ZNF429: variants seen among roughly 807,000 people sequenced by gnomAD.
ZNF429 encodes zinc finger protein 429.
Under a neutral mutation model 56.8 loss-of-function variants are expected in ZNF429, and 53 were observed. The observed-to-expected ratio is 0.93, with a 90% CI of 0.75 to 1.17. The LOEUF (loss-of-function observed/expected upper bound fraction) is 1.17. Among genes scored for constraint, ZNF429 ranks in the 50% most tolerant of loss-of-function variants. ZNF429 has a pLI of 0.00. For missense variants in ZNF429, 849 were observed against 788.4 expected (o/e 1.08, Z -0.92); for synonymous variants, 278 against 264.7 (o/e 1.05, Z -0.49).
At chr19:21,511,109 CGG>C (rs1385217539) in intron 1 of ZNF429, among the ~76,000 whole-genome samples, 5 of 152,364 alleles carry the variant, frequency 3.3e-5, no homozygotes, top group African/African-American at 1.2e-4. Flanking sequence ...ACCTCCCAGA[CGG>C]GGTGGTGGCC....
chr19:21,529,483 A>G (rs2033292503), intron 1 of ZNF429, 175 bp from the exon 2 acceptor site: 1 of 946,026 alleles, frequency 1.1e-6, no homozygotes. Flanking sequence ...ATTAGAGAAC[A>G]TTTCTGTTTA....
At chr19:21,526,031 ATTAGTAC>A (rs2033158012) in intron 1 of ZNF429, among the ~76,000 whole-genome samples, 1 of 144,028 alleles carries the variant, frequency 6.9e-6, no homozygotes, top group African/African-American at 2.6e-5. Flanking sequence ...CAAACATTGC[ATTAGTAC>A]CTGTGCATAT....
At position 21,526,477 on chromosome 19, in the gene ZNF429, T is replaced by C. The variant is rs142645413; in HGVS notation, c.4-3181T>C. 1.0e-3 allele frequency among the ~76,000 whole-genome samples: 155 copies of C among 152,342 alleles called. 3 individuals are homozygous for C. The highest frequency in any genetic ancestry group is 5.4e-3 in the Admixed American group (83 of 15,282). On this transcript the variant is annotated intron_variant, in intron 1 of 3. Coordinates refer to ENST00000358491, the MANE Select transcript of ZNF429 (RefSeq NM_001001415.4). The stretch of plus-strand genomic sequence containing the variant: ...TCTTGTTAGGTCGGGGCAAAAGTTA[T>C]TGTGGTTTTACCTTTTAATGTAATG...
chr19:21,515,823 G>A (rs918622157), intron 1 of ZNF429, among the ~76,000 whole-genome samples: 1 of 152,016 alleles, frequency 6.6e-6, no homozygotes, highest in African/African-American at 2.4e-5. Context: ...AGTTATTCTA[G>A]CACTATTTAT....
rs1415989228 is a variant in ZNF429 at position 21,537,946 on chromosome 19, C to T, written c.1893C>T (p.Thr631=). ...YKCEECAKAF[T]RSSRLTQHKK... ...GTGAAGAATGTGCCAAAGCTTTTACCCGGTCTTCAAGACTTACTCAACATA... is the reference window on the plus strand; with the variant it reads ...GTGAAGAATGTGCCAAAGCTTTTACTCGGTCTTCAAGACTTACTCAACATA... The change falls in exon 4 of 4, where the codon ACC becomes ACT. Residue 631 remains threonine, a synonymous_variant. Coordinates refer to ENST00000358491, the MANE Select transcript of ZNF429 (RefSeq NM_001001415.4). The T allele has an allele frequency of 1.2e-6, 2 of 1,613,718 alleles. No individual in the cohort carries two copies. The highest frequency in any genetic ancestry group is 1.7e-6 in the Non-Finnish European group (2 of 1,179,900).
intron 1 of ZNF429, 168 bp downstream of exon 1, chr19:21,505,942 G>A: frequency 3.1e-6 from 2 of 644,696 alleles, no homozygotes; most frequent in South Asian, 1.7e-5. Context: ...GATGGCGACT[G>A]TGCTGACAGC....
chr19:21,513,142 T>C (rs2032580564), intron 1 of ZNF429, among the ~76,000 whole-genome samples: 1 of 152,022 alleles, frequency 6.6e-6, no homozygotes, highest in Non-Finnish European at 1.5e-5. Flanking sequence ...AAGTGCTGGG[T>C]TTACAGGCAT....
chr19:21,506,443 C>CAA (rs1229591215), intron 1 of ZNF429, among the ~76,000 whole-genome samples: 4,534 of 99,016 alleles, frequency 0.046, 284 homozygotes, highest in African/African-American at 0.16. Context: ...CTATCTCAAA[C>CAA]AAAAAAAAAA....
At chr19:21,519,229 A>G (rs1397513114) in intron 1 of ZNF429, among the ~76,000 whole-genome samples, 1 of 152,222 alleles carries the variant, frequency 6.6e-6, no homozygotes, top group Non-Finnish European at 1.5e-5. Context: ...AAGTTTTGAT[A>G]ACACTATTTA....
In ZNF429 at chr19:21,539,957, G is replaced by C. The variant is rs1029724307; in HGVS notation, c.*1879G>C. On this transcript the variant is annotated 3_prime_UTR_variant, in exon 4 of 4. Coordinates refer to ENST00000358491, the MANE Select transcript of ZNF429 (RefSeq NM_001001415.4). The stretch of plus-strand genomic sequence containing the variant: ...TGTAAGATGCTTGATGAAAATCTAA[G>C]TGGAGAGGCTCTTTGTGGTTAACTT... Among the ~76,000 whole-genome samples the C allele has an allele frequency of 6.6e-6, 1 of 152,120 alleles. No individual in the cohort carries two copies. Among genetic ancestry groups the C allele is most frequent in the Admixed American group, 6.6e-5 (1 of 15,264 alleles).
At chr19:21,513,857 C>A (rs1205380607) in intron 1 of ZNF429, among the ~76,000 whole-genome samples, 1 of 152,178 alleles carries the variant, frequency 6.6e-6, no homozygotes. Flanking sequence ...CACTCACATA[C>A]ACACCCACTA....
intron 1 of ZNF429, among the ~76,000 whole-genome samples, chr19:21,520,743 A>G (rs2650757): frequency 0.2 from 29,846 of 152,182 alleles, 3,015 homozygotes; most frequent in African/African-American, 0.22. Flanking sequence ...TTTGCAGTCC[A>G]AAGTACTTAC....
At position 21,535,010 on chromosome 19, in the gene ZNF429, G is replaced by A; in HGVS notation, c.227-1270G>A. 3.0e-5 allele frequency among the ~76,000 whole-genome samples: 4 copies of A among 133,740 alleles called. No individual in the cohort carries two copies. In the East Asian group the frequency reaches 6.4e-4, roughly 21 times the overall value. 87.7% of individuals were successfully genotyped at this position (133,740 alleles called of 152,430 possible). A position where few individuals can be genotyped will look rare whatever the true frequency, so the allele number is the denominator to read the frequency against. On this transcript the variant is annotated intron_variant, in intron 3 of 3. Coordinates refer to ENST00000358491, the MANE Select transcript of ZNF429 (RefSeq NM_001001415.4). ...GTTTTTTCTTTTTTTTTTTTTTTTA[G>A]TAGAGATGGGGTTTCACCGTTTTAG...
chr19:21,537,701 T>G lies in ZNF429; in HGVS notation c.1648T>G (p.Ser550Ala). 1.2e-6 allele frequency: 2 copies of G among 1,613,940 alleles called. No homozygotes were observed. Among genetic ancestry groups the G allele is most frequent in the Non-Finnish European group, 1.7e-6 (2 of 1,180,008 alleles). Residue 550 changes from serine (S) to alanine (A), a missense_variant, in exon 4 of 4, where the codon TCA (serine) becomes GCA (alanine). Transcript: ENST00000358491. ...ATGTGGCAAAGCTTTTAACCGGTCC[T>G]CAAGACTTACTCAACATAAGAAAAT... ...EECGKAFNRS[S>A]RLTQHKKIHT...
chr19:21,537,005 T>C lies in ZNF429; in HGVS notation c.952T>C (p.Cys318Arg), dbSNP rs1221147450. ...AGAGAAACCCTACAAATGTAAAGAA[T>C]GTGGCAAAGCCTTTAACCGGTCCTC... ...TEEKPYKCKE[C>R]GKAFNRSSTL... is the part of the protein sequence containing the mutation. The change falls in exon 4 of 4, where the codon TGT (cysteine) becomes CGT (arginine). Residue 318 changes from cysteine to arginine, a missense_variant. By Grantham distance (180) the Cys-to-Arg change is radical (BLOSUM62 -3). Coordinates refer to ENST00000358491, the MANE Select transcript of ZNF429 (RefSeq NM_001001415.4). The C allele has an allele frequency of 6.2e-7, 1 of 1,614,012 alleles. No individual in the cohort carries two copies. Among genetic ancestry groups the C allele is most frequent in the East Asian group, 2.2e-5 (1 of 44,860 alleles).
intron 3 of ZNF429, among the ~76,000 whole-genome samples, chr19:21,535,808 T>C: frequency 5.3e-5 from 8 of 152,028 alleles, no homozygotes; most frequent in Non-Finnish European, 1.2e-4. Flanking sequence ...CCACCGCGCC[T>C]GACCAAAGTA....
chr19:21,512,755 G>T (rs2032560940), intron 1 of ZNF429, among the ~76,000 whole-genome samples: 1 of 151,390 alleles, frequency 6.6e-6, no homozygotes, highest in African/African-American at 2.4e-5. Context: ...TCTGACAGAA[G>T]TATTTTATTT....
intron 1 of ZNF429, 158 bp downstream of exon 1, chr19:21,505,932 G>C (rs2032118408): frequency 2.8e-6 from 2 of 717,880 alleles, no homozygotes; most frequent in African/African-American, 3.6e-5. Context: ...TCAGCCATAA[G>C]ATGGCGACTG....
rs1171104331 is a variant in ZNF429 at position 21,537,273 on chromosome 19, C to T, written c.1220C>T (p.Thr407Ile). 1.9e-6 allele frequency: 3 copies of T among 1,611,568 alleles called. No individual in the cohort carries two copies. Among genetic ancestry groups the T allele is most frequent in the East Asian group, 2.2e-5 (1 of 44,584 alleles). Reference sequence around the variant, plus strand: ...TTTGAAAAATGTGGCAGAGTTTTTACCTGTTCCTCAACACTTACTCAAGAC... The same window carrying T: ...TTTGAAAAATGTGGCAGAGTTTTTATCTGTTCCTCAACACTTACTCAAGAC... The part of the protein sequence containing the change: ...YKFEKCGRVF[T>I]CSSTLTQDKK... The change falls in exon 4 of 4, where the codon ACC becomes ATC. Residue 407 changes from threonine to isoleucine, a missense_variant. Physicochemically the swap from Thr to Ile is moderately conservative, Grantham distance 89. Coordinates refer to ENST00000358491, the MANE Select transcript of ZNF429 (RefSeq NM_001001415.4).
Sources: gnomAD v4.1 joint callset for allele counts (sites outside exome capture counted in the v4.1 genomes callset) on GRCh38, gnomAD v4.1.1 for gene constraint, MANE v1.5 for transcripts, NCBI Gene and HGNC (gene_info 2026-07-23, HGNC 2026-07-21) for gene names.